Variants in STPG2 observed in about 807,000 individuals in gnomAD.
The protein encoded by STPG2 is sperm tail PG-rich repeat containing 2.
STPG2 carries 56 observed loss-of-function variants against 54.2 expected under a neutral mutation model. The observed-to-expected ratio is 1.03, with a 90% CI of 0.83 to 1.29. The LOEUF is 1.29. Ranked by LOEUF, STPG2 falls within the 50% of genes most tolerant of loss-of-function variation. The probability of loss-of-function intolerance (pLI) is 0.00; values close to 1 mark genes in which losing one functional copy is unlikely to be tolerated. For synonymous variants in STPG2, 200 were observed against 181.8 expected (o/e 1.10, Z -0.81); for missense variants, 596 against 544.9 (o/e 1.09, Z -0.93).
intron 8 of STPG2, among the ~76,000 whole-genome samples, chr4:97,895,567 A>G (rs2149179464): frequency 6.6e-6 from 1 of 151,898 alleles, no homozygotes; most frequent in Admixed American, 6.6e-5. Flanking sequence ...TTGCTAACAA[A>G]TTGAACTTAA....
intron 8 of STPG2, among the ~76,000 whole-genome samples, chr4:97,861,712 A>G (rs1729548354): frequency 1.3e-5 from 2 of 152,192 alleles, no homozygotes; most frequent in South Asian, 4.1e-4. Flanking sequence ...CATCAGACTA[A>G]CAGCTGCTCT....
intron 10 of STPG2, among the ~76,000 whole-genome samples, chr4:97,653,093 TGATA>T (rs746756598): frequency 4.8e-5 from 4 of 82,760 alleles, no homozygotes; most frequent in East Asian, 3.2e-4. Context: ...GATTGATAGA[TGATA>T]GATAGATAGA....
At chr4:98,082,650 C>T (rs1374748328) in intron 5 of STPG2, among the ~76,000 whole-genome samples, 3 of 151,446 alleles carry the variant, frequency 2.0e-5, no homozygotes, top group Non-Finnish European at 2.9e-5. Context: ...GACGGGGTTT[C>T]GCCACGTTGG....
intron 8 of STPG2, among the ~76,000 whole-genome samples, chr4:97,930,941 G>A (rs1365707577): frequency 6.6e-6 from 1 of 152,070 alleles, no homozygotes; most frequent in Admixed American, 6.6e-5. Flanking sequence ...TATTCTTTTT[G>A]TGGCCTTTGT....
At chr4:98,119,418 A>T (rs781356606) in intron 3 of STPG2, among the ~76,000 whole-genome samples, 1 of 152,132 alleles carries the variant, frequency 6.6e-6, no homozygotes, top group Non-Finnish European at 1.5e-5. Context: ...ATACTGAAGA[A>T]CTGTTCCAAA....
At chr4:97,556,229 A>AGCAAGAAAGTGGTCATTAGAG (rs1303279291), downstream of STPG2, among the ~76,000 whole-genome samples, 4 of 152,188 alleles carry the variant, frequency 2.6e-5, no homozygotes, top group Non-Finnish European at 5.9e-5. Context: ...CTAATATATA[A>AGCAAGAAAGTGGTCATTAGAG]GCAAGAAAGT....
intron 9 of STPG2, among the ~76,000 whole-genome samples, 187 bp downstream of exon 9, chr4:97,840,586 A>G (rs912477931): frequency 6.6e-6 from 1 of 151,672 alleles, no homozygotes; most frequent in Non-Finnish European, 1.5e-5. Context: ...ACAACACAGC[A>G]GGTCCTCAAA....
At chr4:97,810,981 T>TTATA (rs1727719295) in intron 9 of STPG2, among the ~76,000 whole-genome samples, 1 of 152,106 alleles carries the variant, frequency 6.6e-6, no homozygotes, top group Admixed American at 6.6e-5. Context: ...AAGGATCAGA[T>TTATA]TATATATTCT....
chr4:97,725,862 A>G (rs887122238), intron 9 of STPG2, among the ~76,000 whole-genome samples: 7 of 151,990 alleles, frequency 4.6e-5, no homozygotes, highest in Non-Finnish European at 1.0e-4. Context: ...ACTGTAGAAC[A>G]TTAAGAAGTT....
intron 10 of STPG2, among the ~76,000 whole-genome samples, chr4:97,689,820 G>C (rs1723308733): frequency 6.6e-6 from 1 of 151,916 alleles, no homozygotes; most frequent in African/African-American, 2.4e-5. Context: ...AAACAAATTA[G>C]AAAGATAATT....
In STPG2 at chr4:97,578,655, A is replaced by T. The variant is rs377058089; in HGVS notation, c.1321-19538T>A. Among the ~76,000 whole-genome samples the T allele has an allele frequency of 7.3e-5, 11 of 151,528 alleles. No homozygotes were observed. In the East Asian group the frequency reaches 7.8e-4, roughly 11 times the overall value. ...GAACATAGCAGAGAGAAAAACCAAGAGTTTTGGTTTGTTGAGTTTTTTCCC... is the reference window on the plus strand; with the variant it reads ...GAACATAGCAGAGAGAAAAACCAAGTGTTTTGGTTTGTTGAGTTTTTTCCC... On this transcript the variant is annotated intron_variant, in intron 10 of 10. Coordinates refer to ENST00000295268, the MANE Select transcript of STPG2 (RefSeq NM_174952.3).
intron 9 of STPG2, among the ~76,000 whole-genome samples, chr4:97,824,417 AT>A (rs1408905127): frequency 6.6e-6 from 1 of 152,130 alleles, no homozygotes; most frequent in African/African-American, 2.4e-5. Flanking sequence ...TAAAGTTCTG[AT>A]TAATTGGAAA....
At chr4:98,139,425 A>G (rs1057289936) in intron 1 of STPG2, among the ~76,000 whole-genome samples, 10 of 152,266 alleles carry the variant, frequency 6.6e-5, no homozygotes, top group African/African-American at 1.7e-4. Context: ...AATAACAAGT[A>G]AGTTATATAA....
chr4:97,928,238 G>A (rs1732408116), intron 8 of STPG2, among the ~76,000 whole-genome samples: 1 of 152,146 alleles, frequency 6.6e-6, no homozygotes, highest in Non-Finnish European at 1.5e-5. Flanking sequence ...TAGGGCAAAT[G>A]CCCTTACGGT....
chr4:97,529,464 C>G (rs914007258), intron 4 of STPG2, among the ~76,000 whole-genome samples: 5 of 152,020 alleles, frequency 3.3e-5, no homozygotes, highest in Non-Finnish European at 7.4e-5. Flanking sequence ...GTGTCTCTGC[C>G]AGATTTTGGT....
At chr4:97,974,122 A>G (rs1016734236) in intron 6 of STPG2, among the ~76,000 whole-genome samples, 1 of 152,200 alleles carries the variant, frequency 6.6e-6, no homozygotes, top group African/African-American at 2.4e-5. Flanking sequence ...TTGCATCAGC[A>G]TGACCTGGAT....
At chr4:97,613,089 A>C (rs1733771013) in intron 10 of STPG2, among the ~76,000 whole-genome samples, 1 of 152,094 alleles carries the variant, frequency 6.6e-6, no homozygotes, top group Admixed American at 6.6e-5. Flanking sequence ...AAAACTAAAA[A>C]GTTAACATTG....
At chr4:97,562,256 G>A (rs1233428553) in intron 10 of STPG2, among the ~76,000 whole-genome samples, 3 of 152,160 alleles carry the variant, frequency 2.0e-5, no homozygotes, top group South Asian at 2.1e-4. Context: ...TGTTATTGGT[G>A]TATAAGAATG....
chr4:98,072,809 T>C (rs1355652243), intron 5 of STPG2, among the ~76,000 whole-genome samples: 1 of 152,192 alleles, frequency 6.6e-6, no homozygotes, highest in Non-Finnish European at 1.5e-5. Flanking sequence ...ATCAGCCAAA[T>C]CTGTGGAAGA....
Sources: allele counts gnomAD v4.1 joint callset (sites outside exome capture counted in the v4.1 genomes callset), GRCh38; gene constraint gnomAD v4.1.1; transcripts MANE v1.5; gene names NCBI Gene and HGNC (gene_info 2026-07-23, HGNC 2026-07-21).